WDR72: variants seen among roughly 807,000 people sequenced by gnomAD.
WDR72 encodes WD repeat-containing protein 72.
In WDR72, 120 loss-of-function variants were observed where a neutral mutation model predicts 124.2. The ratio of observed to expected loss-of-function variants is 0.97; its 90% CI spans 0.83 to 1.12. The LOEUF is 1.12. Ranked by LOEUF, WDR72 falls within the 50% of genes most tolerant of loss-of-function variation. The probability of loss-of-function intolerance (pLI) is 0.00; values close to 1 mark genes in which losing one functional copy is unlikely to be tolerated. For synonymous variants in WDR72, 452 were observed against 441.7 expected (o/e 1.02, Z -0.29); for missense variants, 1,387 against 1,278.8 (o/e 1.08, Z -1.29).
chr15:53,620,334 T>A (rs897220145), intron 14 of WDR72, among the ~76,000 whole-genome samples: 2 of 152,020 alleles, frequency 1.3e-5, no homozygotes, highest in African/African-American at 2.4e-5. Flanking sequence ...TATTTAAATT[T>A]TTAAAAATAT....
intron 17 of WDR72, among the ~76,000 whole-genome samples, chr15:53,600,413 A>G (rs2012992702): frequency 6.6e-6 from 1 of 152,146 alleles, no homozygotes; most frequent in South Asian, 2.1e-4. Context: ...ATATAAAGAA[A>G]TTTCTTCCAA....
chr15:53,643,103 G>A lies in WDR72; in HGVS notation c.1962+22469C>T, dbSNP rs143383942. Among the ~76,000 whole-genome samples, 481 of 152,178 alleles carry A rather than the reference G, an allele frequency of 3.2e-3. 3 individuals are homozygous for A. The highest frequency in any genetic ancestry group is 9.2e-3 in the African/African-American group (384 of 41,548). On this transcript the variant is annotated intron_variant, in intron 14 of 19. Coordinates refer to ENST00000360509, the MANE Select transcript of WDR72 (RefSeq NM_182758.4). ...GAAAATACCAGTTAGGAAAAAAAGC[G>A]AAAGAATTCTTCATAAATGTAATGA...
Position 53,708,923 on chromosome 15 carries a change from G to A in WDR72, c.954+1934C>T, listed in dbSNP as rs180870304. On this transcript the variant is annotated intron_variant, in intron 9 of 19. Transcript: ENST00000360509. ...GAGATCCTCATGCAGCTGCTGGAAGGAAAGACGAATCCTCATTCTTACCAC... is the reference window on the plus strand; with the variant it reads ...GAGATCCTCATGCAGCTGCTGGAAGAAAAGACGAATCCTCATTCTTACCAC... Among the ~76,000 whole-genome samples the A allele has an allele frequency of 3.6e-4, 55 of 152,262 alleles. 1 individual carries two copies. The East Asian group carries it at 9.5e-3, about 26-fold the overall frequency.
intron 1 of WDR72, among the ~76,000 whole-genome samples, chr15:53,758,920 G>A (rs1318669914): frequency 1.3e-5 from 2 of 152,196 alleles, no homozygotes; most frequent in Non-Finnish European, 2.9e-5. Context: ...TTTCCAAAAG[G>A]AAGTATTCCC....
intron 18 of WDR72, among the ~76,000 whole-genome samples, chr15:53,548,447 T>A (rs990446226): frequency 6.6e-6 from 1 of 152,168 alleles, no homozygotes; most frequent in Non-Finnish European, 1.5e-5. Context: ...TGTACAGAAT[T>A]TCGGCTGACT....
intron 14 of WDR72, among the ~76,000 whole-genome samples, chr15:53,633,807 C>A (rs1325642206): frequency 1.3e-5 from 2 of 152,110 alleles, no homozygotes; most frequent in Non-Finnish European, 2.9e-5. Flanking sequence ...AACAACATTA[C>A]CTGCATTTAT....
chr15:53,611,486 A>T (rs2013536541), intron 16 of WDR72, among the ~76,000 whole-genome samples: 1 of 152,106 alleles, frequency 6.6e-6, no homozygotes, highest in Non-Finnish European at 1.5e-5. Flanking sequence ...AGTGCTAAAA[A>T]ACAAACAAAC....
intron 14 of WDR72, among the ~76,000 whole-genome samples, chr15:53,626,592 A>AG (rs1254977195): frequency 6.6e-6 from 1 of 152,214 alleles, no homozygotes; most frequent in Non-Finnish European, 1.5e-5. Context: ...GAGGACCCAA[A>AG]GGGGGTTGCA....
intron 14 of WDR72, among the ~76,000 whole-genome samples, chr15:53,651,585 CCTAA>C (rs2015242653): frequency 1.3e-5 from 2 of 152,164 alleles, no homozygotes; most frequent in African/African-American, 4.8e-5. Flanking sequence ...GAGCTTTAGG[CCTAA>C]CTGAGAAAAT....
intron 18 of WDR72, among the ~76,000 whole-genome samples, chr15:53,579,930 T>C (rs2011826107): frequency 6.6e-6 from 1 of 152,136 alleles, no homozygotes; most frequent in Non-Finnish European, 1.5e-5. Flanking sequence ...GACTTCATTA[T>C]GTCTCTGCAC....
At chr15:53,541,495 C>A (rs12438664) in intron 18 of WDR72, among the ~76,000 whole-genome samples, 32,227 of 143,298 alleles carry the variant, frequency 0.22, 4,094 homozygotes, top group African/African-American at 0.29. Context: ...TCATCTGTAC[C>A]TCACCATCAT....
intron 1 of WDR72, among the ~76,000 whole-genome samples, chr15:53,745,089 C>T (rs554835763): frequency 6.7e-5 from 10 of 150,234 alleles, no homozygotes; most frequent in African/African-American, 2.2e-4. Flanking sequence ...TAAAGTTTTG[C>T]CTTCCTTTCC....
Position 53,557,359 on chromosome 15 carries a change from G to GA in WDR72, c.3149-34038dup, listed in dbSNP as rs1429342344. Among the ~76,000 whole-genome samples, 4 of 152,190 alleles carry GA rather than the reference G, an allele frequency of 2.6e-5. No individual in the cohort carries two copies. The East Asian group carries it at 5.8e-4, about 22-fold the overall frequency. ...ACTGCTGCCTTTAGTATGATAATAT[G>GA]AAAATCCAAAGTGAGGAGCACCAAA... On this transcript the variant is annotated intron_variant, in intron 18 of 19. Coordinates refer to ENST00000360509, the MANE Select transcript of WDR72 (RefSeq NM_182758.4).
chr15:53,659,448 T>C (rs1398566392), intron 14 of WDR72, among the ~76,000 whole-genome samples: 1 of 152,120 alleles, frequency 6.6e-6, no homozygotes, highest in Non-Finnish European at 1.5e-5. Flanking sequence ...AACGAATGTT[T>C]AGATACAAGC....
chr15:53,670,550 C>A (rs899214287), intron 13 of WDR72, among the ~76,000 whole-genome samples: 1 of 152,292 alleles, frequency 6.6e-6, no homozygotes, highest in Admixed American at 6.5e-5. Context: ...AAGGACACAT[C>A]ATCACAGCAT....
chr15:53,560,863 A>C lies in WDR72; in HGVS notation c.3148+36216T>G, dbSNP rs112306451. Among the ~76,000 whole-genome samples, 616 of 151,314 alleles carry C rather than the reference A, an allele frequency of 4.1e-3. 1 individual carries two copies. The highest frequency in any genetic ancestry group is 0.013 in the African/African-American group (552 of 41,334). ...TGTGTCCTCCCAGCCCCGGCCCCCC[A>C]AAAAAAACACAGGGAGAGAATGAAT... On this transcript the variant is annotated intron_variant, in intron 18 of 19. Transcript: ENST00000360509.
At position 53,550,304 on chromosome 15, in the gene WDR72, G is replaced by A. The variant is rs78010622; in HGVS notation, c.3149-26982C>T. On this transcript the variant is annotated intron_variant, in intron 18 of 19. Coordinates refer to ENST00000360509, the MANE Select transcript of WDR72 (RefSeq NM_182758.4). ...ATGAAAGTAACCAAAAACAATACAT[G>A]AATGGATGGGTGTGGTTGTGTTCCA... is the stretch of plus-strand genomic sequence containing the variant. Among the ~76,000 whole-genome samples the A allele has an allele frequency of 6.7e-3, 1,018 of 152,268 alleles. 16 individuals are homozygous for A. In the East Asian group the frequency reaches 0.067, roughly 10 times the overall value.
intron 18 of WDR72, among the ~76,000 whole-genome samples, chr15:53,543,060 C>A (rs1893236744): frequency 6.8e-6 from 1 of 147,218 alleles, no homozygotes; most frequent in Non-Finnish European, 1.5e-5. Flanking sequence ...CTTTAACACC[C>A]CACTGTCAAC....
intron 2 of WDR72, among the ~76,000 whole-genome samples, chr15:53,724,010 C>T (rs925921445): frequency 6.6e-6 from 1 of 152,104 alleles, no homozygotes; most frequent in African/African-American, 2.4e-5. Context: ...CCATTTGTGA[C>T]AACATGGATG....
Sources: allele counts gnomAD v4.1 joint callset (sites outside exome capture counted in the v4.1 genomes callset), GRCh38; gene constraint gnomAD v4.1.1; transcripts MANE v1.5; gene names NCBI Gene and HGNC (gene_info 2026-07-23, HGNC 2026-07-21).